ZNF804B: variants seen among roughly 807,000 people sequenced by gnomAD.
The protein encoded by ZNF804B is zinc finger 804B.
ZNF804B carries 80 observed loss-of-function variants against 101.4 expected under a neutral mutation model. The ratio of observed to expected loss-of-function variants is 0.79; its 90% CI spans 0.66 to 0.95. The LOEUF (loss-of-function observed/expected upper bound fraction) is 0.95. Ranked by LOEUF, ZNF804B falls within the 40% of genes least tolerant of loss-of-function variation. The probability of loss-of-function intolerance (pLI) is 0.00; values close to 1 mark genes in which losing one functional copy is unlikely to be tolerated. For missense variants in ZNF804B, 1,673 were observed against 1,561.9 expected (o/e 1.07, Z -1.20); for synonymous variants, 622 against 558.8 (o/e 1.11, Z -1.59).
At chr7:88,971,333 CT>C (rs1480130504) in intron 1 of ZNF804B, among the ~76,000 whole-genome samples, 1 of 151,532 alleles carries the variant, frequency 6.6e-6, no homozygotes, top group Non-Finnish European at 1.5e-5. Flanking sequence ...TCAAATGTTT[CT>C]TTTGCCAGGC....
intron 2 of ZNF804B, among the ~76,000 whole-genome samples, chr7:89,224,712 ATGTGTG>A (rs56064065): frequency 0.46 from 66,385 of 143,996 alleles, 15,347 homozygotes; most frequent in Non-Finnish European, 0.53. Flanking sequence ...CTGGCAAAGT[ATGTGTG>A]TGTGTGTGTG....
chr7:89,150,435 A>C (rs970815048), intron 1 of ZNF804B, among the ~76,000 whole-genome samples: 34 of 152,236 alleles, frequency 2.2e-4, no homozygotes, highest in African/African-American at 6.5e-4. Flanking sequence ...TAGAGAGAAA[A>C]GCATTGTCTT....
At chr7:88,871,104 C>T (rs58651471) in intron 1 of ZNF804B, among the ~76,000 whole-genome samples, 28,301 of 151,698 alleles carry the variant, frequency 0.19, 2,804 homozygotes, top group African/African-American at 0.28. Context: ...TTTATTAAAC[C>T]CGAGAACCAT....
chr7:88,827,677 C>G (rs917518058), intron 1 of ZNF804B, among the ~76,000 whole-genome samples: 1 of 151,916 alleles, frequency 6.6e-6, no homozygotes, highest in African/African-American at 2.4e-5. Flanking sequence ...ATTTATTTAT[C>G]CATTGCCCAC....
intron 1 of ZNF804B, among the ~76,000 whole-genome samples, chr7:89,016,211 G>A (rs1407260139): frequency 6.6e-6 from 1 of 152,064 alleles, no homozygotes; most frequent in African/African-American, 2.4e-5. Context: ...AAATTTGTTT[G>A]AGTTCATTGT....
chr7:88,966,789 A>G (rs1167357331), intron 1 of ZNF804B, among the ~76,000 whole-genome samples: 3 of 151,452 alleles, frequency 2.0e-5, no homozygotes, highest in Non-Finnish European at 4.4e-5. Context: ...CACACAATAC[A>G]TATACAGAGA....
At chr7:88,865,212 G>C (rs1223078286) in intron 1 of ZNF804B, among the ~76,000 whole-genome samples, 1 of 132,086 alleles carries the variant, frequency 7.6e-6, no homozygotes, top group Non-Finnish European at 1.5e-5. Flanking sequence ...TGAGCAACAA[G>C]AGCAAGACTT....
intron 1 of ZNF804B, among the ~76,000 whole-genome samples, chr7:88,945,714 A>G (rs927652660): frequency 1.3e-5 from 2 of 152,148 alleles, no homozygotes; most frequent in African/African-American, 2.4e-5. Flanking sequence ...GATTCTTCCT[A>G]TACATCAGCA....
intron 1 of ZNF804B, among the ~76,000 whole-genome samples, chr7:89,060,596 A>T (rs934133876): frequency 6.6e-6 from 1 of 152,110 alleles, no homozygotes; most frequent in South Asian, 2.1e-4. Flanking sequence ...AAAATACAAG[A>T]AATCTCCCCT....
At position 88,942,896 on chromosome 7, in the gene ZNF804B, A is replaced by T. The variant is rs1793075673; in HGVS notation, c.108+182812A>T. Among the ~76,000 whole-genome samples the T allele has an allele frequency of 2.0e-5, 3 of 151,860 alleles. No homozygotes were observed. The South Asian group carries it at 6.2e-4, about 31-fold the overall frequency. On this transcript the variant is annotated intron_variant, in intron 1 of 3. Transcript: ENST00000333190. Reference sequence around the variant, plus strand: ...ATAGCAGACCTCATTTATAGGAGCAATATTAACCTGTATTGATTTGCAGTC... The same window carrying T: ...ATAGCAGACCTCATTTATAGGAGCATTATTAACCTGTATTGATTTGCAGTC...
chr7:89,147,033 A>G (rs1354848445), intron 1 of ZNF804B, among the ~76,000 whole-genome samples: 2 of 151,146 alleles, frequency 1.3e-5, no homozygotes, highest in African/African-American at 2.4e-5. Context: ...TCAAAAAACA[A>G]ACAAAAAAAC....
At chr7:89,332,921 G>A (rs926497251) in intron 3 of ZNF804B, among the ~76,000 whole-genome samples, 2 of 151,718 alleles carry the variant, frequency 1.3e-5, no homozygotes, top group Non-Finnish European at 1.5e-5. Context: ...ATTATAAAAT[G>A]TTAGAAATAG....
intron 1 of ZNF804B, among the ~76,000 whole-genome samples, chr7:89,042,555 C>G (rs1302458063): frequency 1.3e-5 from 2 of 152,030 alleles, no homozygotes; most frequent in African/African-American, 2.4e-5. Context: ...GATATGTAAA[C>G]TTTGTTTTCC....
chr7:88,954,562 C>CG (rs1554349348), intron 1 of ZNF804B, among the ~76,000 whole-genome samples: 2 of 151,368 alleles, frequency 1.3e-5, no homozygotes, highest in South Asian at 4.2e-4. Flanking sequence ...CATGCCCCCC[C>CG]CCCACCACGG....
At chr7:89,133,497 G>A (rs1415568388) in intron 1 of ZNF804B, among the ~76,000 whole-genome samples, 1 of 151,984 alleles carries the variant, frequency 6.6e-6, no homozygotes, top group Non-Finnish European at 1.5e-5. Context: ...CTGGCTGGGT[G>A]CATCTACCAT....
chr7:88,915,387 C>G (rs561436605), intron 1 of ZNF804B, among the ~76,000 whole-genome samples: 2 of 152,044 alleles, frequency 1.3e-5, no homozygotes, highest in Admixed American at 6.5e-5. Flanking sequence ...ATAAAATGCT[C>G]TCACAAAATA....
intron 1 of ZNF804B, among the ~76,000 whole-genome samples, chr7:88,995,899 T>C (rs1788188876): frequency 6.6e-6 from 1 of 152,000 alleles, no homozygotes; most frequent in South Asian, 2.1e-4. Context: ...CATGAGACAA[T>C]TCTCAGTTGA....
chr7:88,765,829 A>C (rs1418516959), intron 1 of ZNF804B, among the ~76,000 whole-genome samples: 1 of 152,166 alleles, frequency 6.6e-6, no homozygotes, highest in African/African-American at 2.4e-5. Flanking sequence ...TTTCAAGAAA[A>C]AGTGTAGTTA....
chr7:89,003,053 T>TA (rs1453178141), intron 1 of ZNF804B, among the ~76,000 whole-genome samples: 1 of 151,650 alleles, frequency 6.6e-6, no homozygotes, highest in East Asian at 1.9e-4. Flanking sequence ...TCAAAATCCT[T>TA]ACCAATTTTC....
Sources: allele counts gnomAD v4.1 joint callset (sites outside exome capture counted in the v4.1 genomes callset), GRCh38; gene constraint gnomAD v4.1.1; transcripts MANE v1.5; gene names NCBI Gene and HGNC (gene_info 2026-07-23, HGNC 2026-07-21).